FRMD4B: variants seen among roughly 807,000 people sequenced by gnomAD.
FRMD4B encodes the protein FERM domain-containing protein 4B.
Under a neutral mutation model 141.5 loss-of-function variants are expected in FRMD4B, and 74 were observed. The ratio of observed to expected loss-of-function variants is 0.52; its 90% CI spans 0.43 to 0.63. The LOEUF is 0.63. Ranked by LOEUF, FRMD4B falls within the 30% of genes least tolerant of loss-of-function variation. FRMD4B has a pLI of 0.00. For synonymous variants in FRMD4B, 506 were observed against 467.9 expected, an observed-to-expected ratio of 1.08 and a Z score of -1.05; for missense variants, 1,366 against 1,253.4, an observed-to-expected ratio of 1.09 and a Z score of -1.36.
At chr3:69,309,372 C>A (rs960846027) in intron 3 of FRMD4B, among the ~76,000 whole-genome samples, 5 of 150,884 alleles carry the variant, frequency 3.3e-5, no homozygotes, top group Non-Finnish European at 4.4e-5. Flanking sequence ...AACTCCTGGC[C>A]TCATGCAATA....
chr3:69,307,563 C>A (rs1701436817), intron 3 of FRMD4B, among the ~76,000 whole-genome samples: 1 of 152,116 alleles, frequency 6.6e-6, no homozygotes, highest in South Asian at 2.1e-4. Flanking sequence ...TGGTCACAAA[C>A]TCCTGACCTC....
intron 1 of FRMD4B, among the ~76,000 whole-genome samples, chr3:69,491,711 T>C (rs563219319): frequency 6.6e-6 from 1 of 152,276 alleles, no homozygotes; most frequent in African/African-American, 2.4e-5. Flanking sequence ...CTTTCACAAT[T>C]TACCTGTTAC....
chr3:69,526,284 C>T (rs1700930022), intron 1 of FRMD4B, among the ~76,000 whole-genome samples: 1 of 152,202 alleles, frequency 6.6e-6, no homozygotes, highest in African/African-American at 2.4e-5. Flanking sequence ...GTTCCCAGAG[C>T]CTCCCCAGTG....
At chr3:69,262,826 G>T (rs75954431) in intron 5 of FRMD4B, among the ~76,000 whole-genome samples, 4,930 of 152,118 alleles carry the variant, frequency 0.032, 147 homozygotes, top group East Asian at 0.1. Flanking sequence ...TGAACAAGCT[G>T]GGCATAGCTA....
Position 69,187,846 on chromosome 3 carries a change from TG to T in FRMD4B, c.1842del (p.Lys615SerfsTer129), listed in dbSNP as rs1345170188. ...TGGATTCGCTCAATACCAAGAGACT[TG>T]GGGGGAAGAATTCTTGGAGAATGAG... ...SVPHSPRILPPKSLGIERIHF... is the reference protein window; with the variant it reads ...SVPHSPRILPXKSLGIERIHF... On this transcript the variant is annotated frameshift_variant, in exon 19 of 23. Coordinates refer to ENST00000398540, the MANE Select transcript of FRMD4B (RefSeq NM_015123.3). LOFTEE classifies it high-confidence loss of function. 6.2e-7 allele frequency: 1 copy of T among 1,611,208 alleles called. No homozygotes were observed. Among genetic ancestry groups the T allele is most frequent in the Non-Finnish European group, 8.5e-7 (1 of 1,178,064 alleles).
chr3:69,309,304 AT>A lies in FRMD4B; in HGVS notation c.323+1958del, dbSNP rs11388064. Among the ~76,000 whole-genome samples the A allele has an allele frequency of 2.9e-3, 401 of 136,754 alleles. 4 individuals carry two copies. The highest frequency in any genetic ancestry group is 0.01 in the African/African-American group (375 of 36,454). The allele number at this position is 136,754 out of a possible 152,430, so 89.7% of individuals were successfully genotyped here. On this transcript the variant is annotated intron_variant, in intron 3 of 22. Coordinates refer to ENST00000398540, the MANE Select transcript of FRMD4B (RefSeq NM_015123.3). ...CATCACCACACCTGGCTGATTTTTA[AT>A]TTTTTTTTTTTTTTTCGTAGAGATG...
chr3:69,491,411 T>C (rs1344108445), intron 1 of FRMD4B, among the ~76,000 whole-genome samples: 2 of 152,078 alleles, frequency 1.3e-5, no homozygotes, highest in African/African-American at 4.8e-5. Flanking sequence ...GAAGAAAATG[T>C]TTTAAAATAA....
intron 1 of FRMD4B, among the ~76,000 whole-genome samples, chr3:69,314,160 A>AC: frequency 2.2e-5 from 3 of 136,498 alleles, no homozygotes; most frequent in Admixed American, 7.5e-5. Context: ...AAAAAAAAAA[A>AC]AAAAAAAAAA....
intron 2 of FRMD4B, among the ~76,000 whole-genome samples, chr3:69,402,498 TAGG>T (rs1198222172): frequency 6.6e-6 from 1 of 152,202 alleles, no homozygotes; most frequent in Non-Finnish European, 1.5e-5. Flanking sequence ...TCTCTTACTT[TAGG>T]AGATCTTTAA....
chr3:69,509,815 C>G (rs982572830), intron 1 of FRMD4B, among the ~76,000 whole-genome samples: 2 of 151,874 alleles, frequency 1.3e-5, no homozygotes, highest in African/African-American at 4.8e-5. Flanking sequence ...CTTTATGTCA[C>G]TGGGTCACAT....
chr3:69,467,143 G>A (rs1705804573), intron 1 of FRMD4B, among the ~76,000 whole-genome samples: 1 of 152,204 alleles, frequency 6.6e-6, no homozygotes, highest in South Asian at 2.1e-4. Flanking sequence ...CTGGTAAGAT[G>A]GAAAAAGAAT....
chr3:69,475,021 A>C (rs1224808815), intron 1 of FRMD4B, among the ~76,000 whole-genome samples: 4 of 152,128 alleles, frequency 2.6e-5, no homozygotes, highest in Non-Finnish European at 5.9e-5. Flanking sequence ...GTTGGTTCCC[A>C]AATTACACAA....
intron 1 of FRMD4B, among the ~76,000 whole-genome samples, chr3:69,502,638 T>C (rs1706517519): frequency 6.6e-6 from 1 of 151,976 alleles, no homozygotes; most frequent in African/African-American, 2.4e-5. Flanking sequence ...ACTTCATGTC[T>C]AAAACACCAA....
chr3:69,311,164 A>G (rs13065977), intron 3 of FRMD4B, 99 bp downstream of exon 3: 152,968 of 582,484 alleles, frequency 0.26, 23,375 homozygotes, highest in Admixed American at 0.31. Context: ...ACATGTTCTG[A>G]ATGCTGGAGG....
In FRMD4B at chr3:69,211,597, G is replaced by A. The variant is rs527807895; in HGVS notation, c.876+4666C>T. Among the ~76,000 whole-genome samples the A allele has an allele frequency of 2.0e-5, 3 of 152,314 alleles. No individual in the cohort carries two copies. In the South Asian group the frequency reaches 6.2e-4, roughly 32 times the overall value. On this transcript the variant is annotated intron_variant, in intron 11 of 22. Coordinates refer to ENST00000398540, the MANE Select transcript of FRMD4B (RefSeq NM_015123.3). ...TTTTCAAAACAGCCTTTCGGCATCA[G>A]TTTTCTTATTCTTAGTACTTATTCT...
At chr3:69,249,666 C>T (rs2093448650) in intron 6 of FRMD4B, among the ~76,000 whole-genome samples, 1 of 152,104 alleles carries the variant, frequency 6.6e-6, no homozygotes, top group African/African-American at 2.4e-5. Flanking sequence ...CCTTTAAGAA[C>T]TAAAGGGCTC....
intron 5 of FRMD4B, among the ~76,000 whole-genome samples, chr3:69,258,872 G>A (rs2093509054): frequency 6.6e-6 from 1 of 152,100 alleles, no homozygotes; most frequent in Admixed American, 6.6e-5. Flanking sequence ...CTCCTCATCT[G>A]CAAAATAGAA....
At chr3:69,356,035 G>A (rs199929083) in intron 1 of FRMD4B, among the ~76,000 whole-genome samples, 2 of 151,912 alleles carry the variant, frequency 1.3e-5, no homozygotes, top group Non-Finnish European at 2.9e-5. Flanking sequence ...TCTCAAAAAA[G>A]AAAAAAAATT....
intron 5 of FRMD4B, among the ~76,000 whole-genome samples, chr3:69,250,957 T>C (rs1413739800): frequency 2.0e-5 from 3 of 152,022 alleles, no homozygotes; most frequent in Non-Finnish European, 4.4e-5. Context: ...AGTAGACCAG[T>C]AGGGATGCAT....
Sources: gnomAD v4.1 joint callset for allele counts (sites outside exome capture counted in the v4.1 genomes callset) on GRCh38, gnomAD v4.1.1 for gene constraint, MANE v1.5 for transcripts, NCBI Gene and HGNC (gene_info 2026-07-23, HGNC 2026-07-21) for gene names.